The following EPHA6 variants were observed in gnomAD, a reference collection of about 807,000 sequenced individuals.
The protein encoded by EPHA6 is EPH receptor A6.
Under a neutral mutation model 112.0 loss-of-function variants are expected in EPHA6, and 50 were observed. The observed-to-expected ratio is 0.45, with a 90% CI of 0.36 to 0.56. The LOEUF (loss-of-function observed/expected upper bound fraction) is 0.56. EPHA6 is among the 20% of genes least tolerant of loss of function. EPHA6 has a pLI of 0.00. For missense variants in EPHA6, 1,280 were observed against 1,417.4 expected, an observed-to-expected ratio of 0.90 and a Z score of 1.56; for synonymous variants, 529 against 490.7, an observed-to-expected ratio of 1.08 and a Z score of -1.03.
intron 14 of EPHA6, among the ~76,000 whole-genome samples, chr3:97,674,092 A>G (rs2031124762): frequency 6.6e-6 from 1 of 152,258 alleles, no homozygotes; most frequent in African/African-American, 2.4e-5. Flanking sequence ...TATACCAAGA[A>G]AAATAAAAAC....
intron 7 of EPHA6, among the ~76,000 whole-genome samples, chr3:97,457,834 A>AG (rs1254413098): frequency 8.6e-5 from 13 of 151,944 alleles, no homozygotes; most frequent in African/African-American, 2.9e-4. Flanking sequence ...TGGAAGGCCG[A>AG]GGGGGGCGGA....
At chr3:97,225,528 CCT>C (rs2078329652) in intron 3 of EPHA6, among the ~76,000 whole-genome samples, 3 of 151,852 alleles carry the variant, frequency 2.0e-5, no homozygotes, top group Admixed American at 2.0e-4. Flanking sequence ...TTAATGATAA[CCT>C]TTTTTGAGTG....
intron 10 of EPHA6, among the ~76,000 whole-genome samples, chr3:97,490,224 A>C (rs1382200091): frequency 6.6e-6 from 1 of 152,222 alleles, no homozygotes; most frequent in African/African-American, 2.4e-5. Context: ...AAGTATGACA[A>C]TATAAAATTA....
At position 97,497,164 on chromosome 3, in the gene EPHA6, C is replaced by T. The variant is rs561394663; in HGVS notation, c.2200+13105C>T. On this transcript the variant is annotated intron_variant, in intron 10 of 17. Transcript: ENST00000389672. ...AGATTGTGTCCCTCTCTGCTCAAAA[C>T]CTGCCAATCATGATCTGTTCTGGTC... Among the ~76,000 whole-genome samples, 3 of 152,298 alleles carry T rather than the reference C, an allele frequency of 2.0e-5. No individual in the cohort carries two copies. In the East Asian group the frequency reaches 5.8e-4, roughly 29 times the overall value.
intron 3 of EPHA6, among the ~76,000 whole-genome samples, chr3:97,014,625 G>T (rs1314943059): frequency 6.6e-6 from 1 of 152,146 alleles, no homozygotes; most frequent in Non-Finnish European, 1.5e-5. Flanking sequence ...AGCAATGCTT[G>T]CAGAATTTAA....
At chr3:97,480,878 G>C (rs1384942312) in intron 9 of EPHA6, among the ~76,000 whole-genome samples, 1 of 151,958 alleles carries the variant, frequency 6.6e-6, no homozygotes, top group African/African-American at 2.4e-5. Flanking sequence ...ATCCCAGACG[G>C]GGTGGCAGAG....
chr3:97,519,143 T>A (rs543548153), intron 10 of EPHA6, among the ~76,000 whole-genome samples: 21 of 152,310 alleles, frequency 1.4e-4, no homozygotes, highest in Admixed American at 8.5e-4. Flanking sequence ...TGCATTTAAA[T>A]CTTTAATATC....
chr3:97,161,189 T>C (rs1362113370), intron 3 of EPHA6, among the ~76,000 whole-genome samples: 1 of 152,164 alleles, frequency 6.6e-6, no homozygotes, highest in Non-Finnish European at 1.5e-5. Context: ...CATGGTAAGT[T>C]GGTGGCCTGT....
intron 2 of EPHA6, among the ~76,000 whole-genome samples, chr3:96,982,305 G>A (rs1460839475): frequency 1.3e-5 from 2 of 152,072 alleles, no homozygotes; most frequent in Non-Finnish European, 2.9e-5. Context: ...CCTTCATTTT[G>A]TTATGTACTC....
At chr3:96,979,030 G>A (rs968537818) in intron 2 of EPHA6, among the ~76,000 whole-genome samples, 3 of 152,020 alleles carry the variant, frequency 2.0e-5, no homozygotes, top group African/African-American at 4.8e-5. Flanking sequence ...AAGTGATGAA[G>A]ATACTAAAAC....
chr3:97,389,897 A>C (rs1424904199), intron 5 of EPHA6, among the ~76,000 whole-genome samples: 1 of 152,176 alleles, frequency 6.6e-6, no homozygotes, highest in Non-Finnish European at 1.5e-5. Flanking sequence ...AGCTACTGTG[A>C]GAACATGAAG....
At chr3:97,260,711 A>G (rs1442527591) in intron 5 of EPHA6, among the ~76,000 whole-genome samples, 1 of 152,196 alleles carries the variant, frequency 6.6e-6, no homozygotes, top group African/African-American at 2.4e-5. Context: ...TCCCACAGCA[A>G]CATCTCTGAG....
chr3:97,520,424 T>G lies in EPHA6; in HGVS notation c.2201-11934T>G, dbSNP rs528577898. On this transcript the variant is annotated intron_variant, in intron 10 of 17. Coordinates refer to ENST00000389672, the MANE Select transcript of EPHA6 (RefSeq NM_001080448.3). ...AATAGTAATTAATTCCCTCTGCTTT[T>G]CTTTCTCTGAGAAAACAATGTATTT... is the stretch of plus-strand genomic sequence containing the variant. Among the ~76,000 whole-genome samples the G allele has an allele frequency of 5.3e-5, 8 of 152,334 alleles. No individual in the cohort carries two copies. The South Asian group carries it at 1.5e-3, about 28-fold the overall frequency.
intron 3 of EPHA6, among the ~76,000 whole-genome samples, chr3:97,012,326 T>G (rs1487462466): frequency 2.0e-5 from 3 of 149,196 alleles, no homozygotes; most frequent in Non-Finnish European, 3.0e-5. Context: ...TGTTTTTGCT[T>G]TTTTTTTTGA....
intron 10 of EPHA6, among the ~76,000 whole-genome samples, chr3:97,511,821 C>A (rs1348489230): frequency 2.0e-5 from 3 of 152,028 alleles, no homozygotes; most frequent in African/African-American, 7.2e-5. Context: ...TATATCCAAC[C>A]TAACAAAAAT....
intron 1 of EPHA6, among the ~76,000 whole-genome samples, chr3:96,855,646 G>C (rs1385683804): frequency 1.3e-5 from 2 of 150,346 alleles, no homozygotes; most frequent in Non-Finnish European, 3.0e-5. Flanking sequence ...TAAAATAATA[G>C]TTGAAATCCC....
chr3:97,326,858 G>A (rs1422574751), intron 5 of EPHA6, among the ~76,000 whole-genome samples: 9 of 152,040 alleles, frequency 5.9e-5, no homozygotes, highest in Admixed American at 1.3e-4. Context: ...AAATGTGAAC[G>A]TCTTAATTTG....
intron 5 of EPHA6, among the ~76,000 whole-genome samples, chr3:97,336,361 A>G (rs552913814): frequency 6.6e-6 from 1 of 152,268 alleles, no homozygotes; most frequent in East Asian, 1.9e-4. Flanking sequence ...TAATAATTTT[A>G]TCAGTTATGA....
intron 15 of EPHA6, among the ~76,000 whole-genome samples, chr3:97,729,726 G>C (rs1245458743): frequency 6.7e-6 from 1 of 148,800 alleles, no homozygotes; most frequent in Non-Finnish European, 1.5e-5. Flanking sequence ...TTTTGCTCAT[G>C]TAGACACAAT....
Sources: allele counts gnomAD v4.1 joint callset (sites outside exome capture counted in the v4.1 genomes callset), GRCh38; gene constraint gnomAD v4.1.1; transcripts MANE v1.5; gene names NCBI Gene and HGNC (gene_info 2026-07-23, HGNC 2026-07-21).